Variants in CHERP observed in about 807,000 individuals in gnomAD.
CHERP encodes the protein ERPROT 213-21.
Under a neutral mutation model 113.8 loss-of-function variants are expected in CHERP, and 8 were observed. That is an observed-to-expected ratio of 0.07 (90% CI 0.04 to 0.13). The LOEUF (loss-of-function observed/expected upper bound fraction) is 0.13. Ranked by LOEUF, CHERP falls within the 10% of genes least tolerant of loss-of-function variation. The pLI, the probability that CHERP is intolerant of heterozygous loss-of-function variation, is 1.00. For synonymous variants in CHERP, 559 were observed against 524.5 expected (o/e 1.07, Z -0.90); for missense variants, 884 against 1,298.2 (o/e 0.68, Z 4.90).
Position 16,525,426 on chromosome 19 carries a change from G to C in CHERP, c.1557C>G (p.Pro519=), listed in dbSNP as rs1351532130. 6.5e-7 allele frequency: 1 copy of C among 1,527,040 alleles called. No homozygotes were observed. The highest frequency in any genetic ancestry group is 8.8e-7 in the Non-Finnish European group (1 of 1,136,278). 94.6% of individuals were successfully genotyped at this position (1,527,040 alleles called of 1,614,324 possible). The change falls in exon 10 of 17, where the codon CCC becomes CCG. Residue 519 remains proline (P), a synonymous_variant. Coordinates refer to ENST00000546361, the MANE Select transcript of CHERP (RefSeq NM_006387.6). The surrounding 1 kb of genome is among the most constrained non-coding windows in gnomAD (Gnocchi z 6.5). ...GCGGGAAGGGCCCCCGGAAGTGTGG[G>C]GGCCGCTGCATGCGGAAGGGTGGCT... ...QREPPFRMQR[P]PHFRGPFPPH...
chr19:16,533,382 C>T (rs1174077336), intron 3 of CHERP, among the ~76,000 whole-genome samples: 1 of 152,198 alleles, frequency 6.6e-6, no homozygotes, highest in Non-Finnish European at 1.5e-5. Context: ...ACAGGACATA[C>T]CAGGAGACAA....
rs374868976 is a variant in CHERP at position 16,519,281 on chromosome 19, G to A, written c.2629C>T (p.Arg877Trp). Residue 877 changes from arginine to tryptophan, a missense_variant, in exon 17 of 17, where the codon CGG (arginine) becomes TGG (tryptophan). Physicochemically the swap from Arg to Trp is moderately radical, Grantham distance 101. Transcript: ENST00000546361. This position sits in a 1 kb window ranked among gnomAD's most constrained non-coding sequence, Gnocchi z 6.0. ...CCTTTATACTGGTCCCACTTATCCC[G>A]GACGTCCCCGCCCTTGATGGGGTCC... ...IQDPIKGGDVRDKWDQYKGVG... is the reference protein window; with the variant it reads ...IQDPIKGGDVWDKWDQYKGVG... The A allele has an allele frequency of 6.2e-7, 1 of 1,614,002 alleles. No individual in the cohort carries two copies.
chr19:16,528,633 T>C (rs2085673036), intron 8 of CHERP, among the ~76,000 whole-genome samples: 1 of 152,186 alleles, frequency 6.6e-6, no homozygotes, highest in Non-Finnish European at 1.5e-5. Context: ...CTACAACAAA[T>C]CTTCTTTGAT....
At position 16,530,405 on chromosome 19, in the gene CHERP, A is replaced by G; in HGVS notation, c.876+180T>C. Among the ~76,000 whole-genome samples, 1 of 152,162 alleles carries G rather than the reference A, an allele frequency of 6.6e-6. No homozygotes were observed. On this transcript the variant is annotated intron_variant, in intron 7 of 16. Transcript: ENST00000546361. The surrounding 1 kb of genome is among the most constrained non-coding windows in gnomAD (Gnocchi z 4.1). ...CCAGGAAAGTCAGGGAGACACACCT[A>G]AGGCCTGGGAAATGTCACCTGGGAC...
intron 5 of CHERP, among the ~76,000 whole-genome samples, chr19:16,531,265 T>C (rs2085702167): frequency 6.6e-6 from 1 of 152,182 alleles, no homozygotes; most frequent in East Asian, 1.9e-4. Context: ...GTGGGGGTCT[T>C]GTCCTTGTCA....
chr19:16,521,202 C>A, intron 12 of CHERP: 1 of 578,740 alleles, frequency 1.7e-6, no homozygotes, highest in Non-Finnish European at 3.1e-6. Context: ...CATGGGTGGA[C>A]AGGCCTGCAG....
chr19:16,535,706 C>G lies in CHERP; in HGVS notation c.200-70G>C. On this transcript the variant is annotated intron_variant, in intron 2 of 16. Transcript: ENST00000546361. The surrounding 1 kb of genome is among the most constrained non-coding windows in gnomAD (Gnocchi z 4.3). ...GGTCTAGGTGTCCCCTTGGCCACCT[C>G]TCAGCCACAGGGGCCTCCCCCTCCC... The G allele has an allele frequency of 7.2e-7, 1 of 1,383,414 alleles. No homozygotes were observed. The highest frequency in any genetic ancestry group is 9.5e-7 in the Non-Finnish European group (1 of 1,048,652). 85.7% of individuals were successfully genotyped at this position (1,383,414 alleles called of 1,614,324 possible). A position where few individuals can be genotyped will look rare whatever the true frequency, so the allele number is the denominator to read the frequency against.
Position 16,518,899 on chromosome 19 carries a change from G to A in CHERP, c.*260C>T, listed in dbSNP as rs1214486083. On this transcript the variant is annotated 3_prime_UTR_variant, in exon 17 of 17. Transcript: ENST00000546361. Reference sequence around the variant, plus strand: ...CGGAGGGTCTTGTGTTTTTTGCTTCGCTATAAAGGAAAACGAGCCTGGGGC... The same window carrying A: ...CGGAGGGTCTTGTGTTTTTTGCTTCACTATAAAGGAAAACGAGCCTGGGGC... 3 of 512,746 alleles carry A rather than the reference G, an allele frequency of 5.9e-6. No individual in the cohort carries two copies. Among genetic ancestry groups the A allele is most frequent in the Non-Finnish European group, 1.0e-5 (3 of 291,782 alleles). 31.8% of individuals were successfully genotyped at this position (512,746 alleles called of 1,614,324 possible).
chr19:16,540,763 T>C (rs2085773699), intron 2 of CHERP, among the ~76,000 whole-genome samples: 1 of 150,702 alleles, frequency 6.6e-6, no homozygotes, highest in South Asian at 2.1e-4. Context: ...AATGGCGTGG[T>C]CTTGGCTTAC....
chr19:16,526,120 C>T (rs73928615), intron 9 of CHERP: 2,343 of 176,022 alleles, frequency 0.013, 53 homozygotes, highest in African/African-American at 0.052. Flanking sequence ...GCCTCACTCC[C>T]CCTCTCCCCA....
chr19:16,522,893 C>T (rs1056519258), intron 11 of CHERP, among the ~76,000 whole-genome samples, 159 bp downstream of exon 11: 5 of 152,266 alleles, frequency 3.3e-5, no homozygotes, highest in Middle Eastern at 3.4e-3. Flanking sequence ...CGTGCTACTC[C>T]GGTTCGGCAC....
chr19:16,520,716 G>C lies in CHERP; in HGVS notation c.2201+110C>G. Reference sequence around the variant, plus strand: ...GCCTTGTGGAAAACACCGCCCCATAGGCACAGGCTGTGTGAGGGTGGACGT... The same window carrying C: ...GCCTTGTGGAAAACACCGCCCCATACGCACAGGCTGTGTGAGGGTGGACGT... On this transcript the variant is annotated intron_variant, in intron 13 of 16. Transcript: ENST00000546361. This position sits in a 1 kb window ranked among gnomAD's most constrained non-coding sequence, Gnocchi z 4.0. 1.6e-6 allele frequency: 2 copies of C among 1,232,952 alleles called. No individual in the cohort carries two copies. The highest frequency in any genetic ancestry group is 2.4e-6 in the Non-Finnish European group (2 of 845,274). 76.4% of individuals were successfully genotyped at this position (1,232,952 alleles called of 1,614,324 possible).
rs1313097906 is a variant in CHERP, at chr19:16,520,961, G to A, written c.2115-49C>T. 6.5e-7 allele frequency: 1 copy of A among 1,530,188 alleles called. No individual in the cohort carries two copies. The allele number at this position is 1,530,188 out of a possible 1,614,324, so 94.8% of individuals were successfully genotyped here. On this transcript the variant is annotated intron_variant, in intron 12 of 16. Coordinates refer to ENST00000546361, the MANE Select transcript of CHERP (RefSeq NM_006387.6). This position sits in a 1 kb window ranked among gnomAD's most constrained non-coding sequence, Gnocchi z 4.0. ...GTGACCACGTGACACCCACCCACAA[G>A]GAAGTCGTGAAAAAGTCATCAGGAG...
rs2085736450 is a variant in CHERP, at chr19:16,535,634, T to A, written c.202A>T (p.Ile68Phe). 6.6e-7 allele frequency: 1 copy of A among 1,514,396 alleles called. No individual in the cohort carries two copies. The allele number at this position is 1,514,396 out of a possible 1,614,324, so 93.8% of individuals were successfully genotyped here. ...AGCTCCGGGGTCTGCTGCTTGCAGA[T>A]GACTGGAGGGAGAGGAGGAGGGGTG... Reference protein sequence around the residue: ...CKLALEQQQLICKQQTPELEP... With the variant: ...CKLALEQQQLFCKQQTPELEP... The change falls in exon 3 of 17, where the codon ATC (isoleucine) becomes TTC (phenylalanine). Residue 68 changes from isoleucine (I) to phenylalanine (F), a missense_variant and splice_region_variant. Physicochemically the swap from Ile to Phe is conservative, Grantham distance 21. Around this residue, in one of 8 missense-constraint regions of CHERP, gnomAD observed 109 missense variants for 134.2 expected, o/e 0.81. Coordinates refer to ENST00000546361, the MANE Select transcript of CHERP (RefSeq NM_006387.6). The surrounding 1 kb of genome is among the most constrained non-coding windows in gnomAD (Gnocchi z 4.3).
rs772295480 is a variant in CHERP at position 16,520,809 on chromosome 19, G to A, written c.2201+17C>T. 4 of 1,612,410 alleles carry A rather than the reference G, an allele frequency of 2.5e-6. No individual in the cohort carries two copies. The highest frequency in any genetic ancestry group is 2.5e-6 in the Non-Finnish European group (3 of 1,179,324). On this transcript the variant is annotated intron_variant, in intron 13 of 16. Coordinates refer to ENST00000546361, the MANE Select transcript of CHERP (RefSeq NM_006387.6). This position sits in a 1 kb window ranked among gnomAD's most constrained non-coding sequence, Gnocchi z 4.0. ...GGACCCTGGCCCCCCGGCCACTGCA[G>A]ACATCTGCGCTTTTACCTGTTCCTC...
chr19:16,536,756 C>A (rs1234478607), intron 2 of CHERP, among the ~76,000 whole-genome samples: 2 of 152,238 alleles, frequency 1.3e-5, no homozygotes, highest in Non-Finnish European at 2.9e-5. Flanking sequence ...ATGGCTCACG[C>A]CTATAATCCC....
At chr19:16,533,193 C>A in intron 3 of CHERP, 45 bp from the exon 4 acceptor site, 1 of 1,548,612 alleles carries the variant, frequency 6.5e-7, no homozygotes, top group African/African-American at 1.4e-5. Flanking sequence ...GAGGAGGGAC[C>A]CGCAGCCTGA....
intron 2 of CHERP, chr19:16,539,993 CAT>C (rs1431291601): frequency 2.6e-5 from 4 of 152,224 alleles, no homozygotes; most frequent in Non-Finnish European, 4.4e-5. Context: ...GCAATACACA[CAT>C]AAACTCTCTC....
Position 16,525,356 on chromosome 19 carries a change from TGTG to T in CHERP, c.1624_1626del (p.His542del). 6.7e-7 allele frequency: 1 copy of T among 1,487,132 alleles called. No individual in the cohort carries two copies. Among genetic ancestry groups the T allele is most frequent in the African/African-American group, 1.4e-5 (1 of 70,396 alleles). 92.1% of individuals were successfully genotyped at this position (1,487,132 alleles called of 1,614,324 possible). ...AAGCGGGGCGGGAAGCGGTTGAAGTTGTGGGGGTGCGGAGGCTGGTTGAACTGC... is the reference window on the plus strand; with the variant it reads ...AAGCGGGGCGGGAAGCGGTTGAAGTTGGGGTGCGGAGGCTGGTTGAACTGC... On this transcript the variant is annotated inframe_deletion, in exon 10 of 17. Coordinates refer to ENST00000546361, the MANE Select transcript of CHERP (RefSeq NM_006387.6). This position sits in a 1 kb window ranked among gnomAD's most constrained non-coding sequence, Gnocchi z 6.5.
Sources: gnomAD v4.1 joint callset for allele counts (sites outside exome capture counted in the v4.1 genomes callset) on GRCh38, gnomAD v4.1.1 for gene constraint, gnomAD v4.1.1 regional missense constraint, Gnocchi (gnomAD v3.1) non-coding constraint, MANE v1.5 for transcripts, NCBI Gene and HGNC (gene_info 2026-07-23, HGNC 2026-07-21) for gene names.